SFXN5: variants seen among roughly 807,000 people sequenced by gnomAD.
SFXN5 encodes the protein sideroflexin-5.
SFXN5 carries 43 observed loss-of-function variants against 50.2 expected under a neutral mutation model. The observed-to-expected ratio is 0.86, with a 90% CI of 0.67 to 1.11. The LOEUF (loss-of-function observed/expected upper bound fraction) is 1.11. Among genes scored for constraint, SFXN5 ranks in the 50% least tolerant of loss-of-function variants. The pLI is 0.00. For synonymous variants in SFXN5, 203 were observed against 185.8 expected (o/e 1.09, Z -0.75); for missense variants, 463 against 454.1 (o/e 1.02, Z -0.18).
chr2:73,047,275 T>TATATATATATATATATATAC (rs1300799277), intron 2 of SFXN5, among the ~76,000 whole-genome samples: 23 of 51,730 alleles, frequency 4.4e-4, no homozygotes, highest in South Asian at 6.9e-4. Flanking sequence ...TATATATATA[T>TATATATATATATATATATAC]ACACACATAT....
intron 2 of SFXN5, among the ~76,000 whole-genome samples, chr2:73,045,409 C>CTT (rs1334662477): frequency 1.3e-5 from 2 of 152,142 alleles, no homozygotes; most frequent in Non-Finnish European, 2.9e-5. Context: ...ACTCTCAAAG[C>CTT]TGAGTCCAGC....
chr2:73,046,604 G>A (rs992476174), intron 2 of SFXN5, among the ~76,000 whole-genome samples: 3 of 152,046 alleles, frequency 2.0e-5, no homozygotes, highest in African/African-American at 4.8e-5. Flanking sequence ...TCGAGCCTGG[G>A]AGGCTAAGGC....
At chr2:73,071,008 G>C (rs993971165) in intron 1 of SFXN5, 1 of 152,574 alleles carries the variant, frequency 6.6e-6, no homozygotes, top group Non-Finnish European at 1.5e-5. Flanking sequence ...GAGATGGAGA[G>C]CAGGGACGGG....
intron 11 of SFXN5, among the ~76,000 whole-genome samples, chr2:72,968,876 C>T: frequency 6.6e-6 from 1 of 151,718 alleles, no homozygotes; most frequent in East Asian, 1.9e-4. Context: ...GATCTCAGCT[C>T]ACTTCAACCT....
chr2:73,046,063 G>A (rs1680280790), intron 2 of SFXN5, among the ~76,000 whole-genome samples: 2 of 117,344 alleles, frequency 1.7e-5, no homozygotes, highest in African/African-American at 5.3e-5. Flanking sequence ...CTTTAAGCCT[G>A]GCTACCCTCC....
intron 3 of SFXN5, among the ~76,000 whole-genome samples, chr2:73,039,885 A>T (rs1385181065): frequency 2.0e-5 from 3 of 151,474 alleles, no homozygotes; most frequent in African/African-American, 7.3e-5. Flanking sequence ...GTCTCGGCTC[A>T]CTGCAACCTC....
chr2:73,070,484 T>TC (rs1683499113), intron 1 of SFXN5: 1 of 152,272 alleles, frequency 6.6e-6, no homozygotes, highest in South Asian at 2.1e-4. Flanking sequence ...CTTTCTTCCT[T>TC]CAAAGTTCTT....
chr2:73,035,493 CTTTTTTTTTTT>C (rs761321478), intron 3 of SFXN5, among the ~76,000 whole-genome samples: 3 of 101,844 alleles, frequency 2.9e-5, no homozygotes, highest in East Asian at 2.9e-4. Context: ...GTATCGCAAT[CTTTTTTTTTTT>C]TTTTTTTTTT....
chr2:72,959,419 ACTCC>A (rs1673460485), intron 13 of SFXN5, among the ~76,000 whole-genome samples: 4 of 150,510 alleles, frequency 2.7e-5, no homozygotes, highest in Non-Finnish European at 5.9e-5. Context: ...GCCCGGCTGC[ACTCC>A]CAGACCACGT....
At chr2:72,956,081 C>T (rs1381229726) in intron 13 of SFXN5, among the ~76,000 whole-genome samples, 1 of 152,218 alleles carries the variant, frequency 6.6e-6, no homozygotes, top group African/African-American at 2.4e-5. Flanking sequence ...TGGGAAAGTG[C>T]CCAGGCTCCA....
chr2:73,028,624 T>C (rs1224707199), intron 3 of SFXN5, among the ~76,000 whole-genome samples: 1 of 152,162 alleles, frequency 6.6e-6, no homozygotes, highest in African/African-American at 2.4e-5. Context: ...CTTCTTTCTG[T>C]TTTTTGAACA....
intron 12 of SFXN5, among the ~76,000 whole-genome samples, chr2:72,963,515 C>G (rs1013019210): frequency 6.8e-6 from 1 of 146,928 alleles, no homozygotes; most frequent in African/African-American, 2.5e-5. Flanking sequence ...GGCCTGAGAG[C>G]GAACACAGTA....
In SFXN5 at chr2:72,944,635, G is replaced by C. The variant is rs1478602999; in HGVS notation, c.*387C>G. On this transcript the variant is annotated 3_prime_UTR_variant, in exon 14 of 14. Coordinates refer to ENST00000272433, the MANE Select transcript of SFXN5 (RefSeq NM_144579.3). Reference sequence around the variant, plus strand: ...CCTGTCCTCCTGCCACTTCTGGTCAGCTGAAACTAAGGCTCAGATTTGATT... The same window carrying C: ...CCTGTCCTCCTGCCACTTCTGGTCACCTGAAACTAAGGCTCAGATTTGATT... The C allele has an allele frequency of 1.8e-5, 3 of 171,348 alleles. No homozygotes were observed. The highest frequency in any genetic ancestry group is 3.8e-5 in the Non-Finnish European group (3 of 79,568). The allele number at this position is 171,348 out of a possible 1,614,324, so 10.6% of individuals were successfully genotyped here.
rs1671753498 is a variant in SFXN5, at chr2:72,944,847, T to C, written c.*175A>G. ...GAAATGTGTTAGAACTCCTCTTGCCTATGTTAAAATGTGAATGGGTCAGTC... is the reference window on the plus strand; with the variant it reads ...GAAATGTGTTAGAACTCCTCTTGCCCATGTTAAAATGTGAATGGGTCAGTC... On this transcript the variant is annotated 3_prime_UTR_variant, in exon 14 of 14. Transcript: ENST00000272433. 6.8e-6 allele frequency: 4 copies of C among 587,734 alleles called. No individual in the cohort carries two copies. The highest frequency in any genetic ancestry group is 6.4e-5 in the South Asian group (3 of 46,618). The allele number at this position is 587,734 out of a possible 1,614,324, so 36.4% of individuals were successfully genotyped here. A position where few individuals can be genotyped will look rare whatever the true frequency, so the allele number is the denominator to read the frequency against.
chr2:73,031,202 C>A (rs746536494), intron 3 of SFXN5, among the ~76,000 whole-genome samples: 1 of 152,212 alleles, frequency 6.6e-6, no homozygotes, highest in Non-Finnish European at 1.5e-5. Flanking sequence ...TGCAATGAGG[C>A]TTGTCCATGT....
Position 73,030,655 on chromosome 2 carries a change from C to T in SFXN5, c.250-7441G>A, listed in dbSNP as rs116090444. ...TTAAATGTGACCTCCCCATTCCTCC[C>T]TTCTCCAGCTCCTGGAAACCGCGTC... On this transcript the variant is annotated intron_variant, in intron 3 of 13. Transcript: ENST00000272433. Among the ~76,000 whole-genome samples, 1,077 of 141,242 alleles carry T rather than the reference C, an allele frequency of 7.6e-3. 23 individuals are homozygous for T. The highest frequency in any genetic ancestry group is 0.03 in the African/African-American group (1,027 of 34,110). 92.7% of individuals were successfully genotyped at this position (141,242 alleles called of 152,430 possible). A position where few individuals can be genotyped will look rare whatever the true frequency, so the allele number is the denominator to read the frequency against.
Position 72,945,231 on chromosome 2 carries a change from G to C in SFXN5, c.946-132C>G, listed in dbSNP as rs1671806263. On this transcript the variant is annotated intron_variant, in intron 13 of 13. Coordinates refer to ENST00000272433, the MANE Select transcript of SFXN5 (RefSeq NM_144579.3). This position sits in a 1 kb window ranked among gnomAD's most constrained non-coding sequence, Gnocchi z 5.8. ...CACCCCCGTGTCCACCCCAGCCAGGGCTCACATGCCCTACCTAGTGACACA... is the reference window on the plus strand; with the variant it reads ...CACCCCCGTGTCCACCCCAGCCAGGCCTCACATGCCCTACCTAGTGACACA... 3.9e-6 allele frequency: 3 copies of C among 774,668 alleles called. No individual in the cohort carries two copies. Among genetic ancestry groups the C allele is most frequent in the Non-Finnish European group, 6.5e-6 (3 of 461,446 alleles). The allele number at this position is 774,668 out of a possible 1,614,324, so 48.0% of individuals were successfully genotyped here.
intron 5 of SFXN5, chr2:73,020,693 A>T (rs1355913291): frequency 1.2e-5 from 2 of 163,174 alleles, no homozygotes; most frequent in African/African-American, 4.8e-5. Flanking sequence ...TTTCTAACAC[A>T]GGCCCTTACT....
chr2:73,002,418 T>C (rs1016598940), intron 6 of SFXN5, among the ~76,000 whole-genome samples: 1 of 152,240 alleles, frequency 6.6e-6, no homozygotes, highest in Non-Finnish European at 1.5e-5. Context: ...CAGGGATCCA[T>C]GTGCATCTCT....
Sources: gnomAD v4.1 joint callset for allele counts (sites outside exome capture counted in the v4.1 genomes callset) on GRCh38, gnomAD v4.1.1 for gene constraint, Gnocchi (gnomAD v3.1) non-coding constraint, MANE v1.5 for transcripts, NCBI Gene and HGNC (gene_info 2026-07-23, HGNC 2026-07-21) for gene names.